The following EBF1 variants were observed in gnomAD, a reference collection of about 807,000 sequenced individuals.
The protein encoded by EBF1 is transcription factor COE1.
In EBF1, 10 loss-of-function variants were observed where a neutral mutation model predicts 68.4. The observed-to-expected ratio is 0.15, with a 90% confidence interval of 0.09 to 0.25. EBF1 has a LOEUF of 0.25. Ranked by LOEUF, EBF1 falls within the 10% of genes least tolerant of loss-of-function variation. The pLI is 1.00. For missense variants in EBF1, 509 were observed against 794.4 expected (o/e 0.64, Z 4.32); for synonymous variants, 298 against 299.8 (o/e 0.99, Z 0.06).
intron 6 of EBF1, among the ~76,000 whole-genome samples, chr5:158,934,819 G>C (rs2127450039): frequency 6.6e-6 from 1 of 152,344 alleles, no homozygotes; most frequent in East Asian, 1.9e-4. Context: ...CTTCCCAGAA[G>C]AAGCAGTAAG....
intron 6 of EBF1, among the ~76,000 whole-genome samples, chr5:159,052,233 C>T (rs903173260): frequency 6.6e-6 from 1 of 151,446 alleles, no homozygotes; most frequent in African/African-American, 2.4e-5. Context: ...TTGTATGCCA[C>T]GTAGGTATAT....
chr5:158,947,743 C>T (rs1383266358), intron 6 of EBF1, among the ~76,000 whole-genome samples: 1 of 152,100 alleles, frequency 6.6e-6, no homozygotes, highest in African/African-American at 2.4e-5. Context: ...CAACAGAAAT[C>T]GTAAAGGAGA....
intron 6 of EBF1, among the ~76,000 whole-genome samples, chr5:158,970,420 C>T (rs1004819332): frequency 2.0e-5 from 3 of 152,088 alleles, no homozygotes; most frequent in Admixed American, 2.0e-4. Context: ...AGTGTTTATG[C>T]CAAATTACAC....
intron 6 of EBF1, among the ~76,000 whole-genome samples, chr5:159,042,869 A>AT (rs998533506): frequency 2.0e-5 from 3 of 151,326 alleles, no homozygotes; most frequent in Non-Finnish European, 4.4e-5. Context: ...GTAAAAAAAA[A>AT]AAAATAAAAA....
chr5:158,891,138 T>C (rs1472711468), intron 6 of EBF1, among the ~76,000 whole-genome samples: 1 of 152,238 alleles, frequency 6.6e-6, no homozygotes, highest in Non-Finnish European at 1.5e-5. Flanking sequence ...TTTGTGTGTG[T>C]TTGTTTGTTT....
intron 10 of EBF1, among the ~76,000 whole-genome samples, chr5:158,756,819 GT>G (rs1359336203): frequency 3.3e-5 from 5 of 152,008 alleles, no homozygotes; most frequent in Admixed American, 3.3e-4. Flanking sequence ...ATGTGCCACG[GT>G]TTGTGTGTGC....
chr5:158,883,222 G>A (rs955785622), intron 6 of EBF1, among the ~76,000 whole-genome samples: 1 of 151,884 alleles, frequency 6.6e-6, no homozygotes, highest in Non-Finnish European at 1.5e-5. Context: ...AAATGTTTGT[G>A]TATATACACA....
At chr5:158,892,468 G>T (rs1473246822) in intron 6 of EBF1, among the ~76,000 whole-genome samples, 1 of 152,028 alleles carries the variant, frequency 6.6e-6, no homozygotes, top group African/African-American at 2.4e-5. Context: ...CATCCTGGAT[G>T]ACGAAACAAA....
intron 15 of EBF1, among the ~76,000 whole-genome samples, chr5:158,699,851 G>A (rs1756352344): frequency 6.6e-6 from 1 of 152,238 alleles, no homozygotes; most frequent in African/African-American, 2.4e-5. Context: ...AAGCTGGAGT[G>A]AGATCCTGGG....
chr5:158,944,397 C>G (rs1442953833), intron 6 of EBF1, among the ~76,000 whole-genome samples: 2 of 152,180 alleles, frequency 1.3e-5, no homozygotes, highest in Non-Finnish European at 1.5e-5. Flanking sequence ...AGGACATGAA[C>G]TCATTCTTTT....
intron 9 of EBF1, among the ~76,000 whole-genome samples, chr5:158,795,252 TG>T (rs1779405272): frequency 6.6e-6 from 1 of 152,108 alleles, no homozygotes; most frequent in Non-Finnish European, 1.5e-5. Flanking sequence ...CAGCTAGAAA[TG>T]GAAATCTTTG....
chr5:158,919,798 C>T (rs972791263), intron 6 of EBF1, among the ~76,000 whole-genome samples: 3 of 152,228 alleles, frequency 2.0e-5, no homozygotes, highest in African/African-American at 4.8e-5. Flanking sequence ...TCAAAAAACA[C>T]GACGGTACAT....
intron 6 of EBF1, among the ~76,000 whole-genome samples, chr5:158,855,576 C>A (rs1793826405): frequency 6.6e-6 from 1 of 152,204 alleles, no homozygotes; most frequent in Non-Finnish European, 1.5e-5. Context: ...TCTGAGATGT[C>A]ATCTCCCCAG....
Position 158,696,052 on chromosome 5 carries a change from A to T in EBF1, c.*3059T>A, listed in dbSNP as rs188500993. On this transcript the variant is annotated 3_prime_UTR_variant, in exon 16 of 16. Coordinates refer to ENST00000313708, the MANE Select transcript of EBF1 (RefSeq NM_024007.5). ...AGGTTCTCTAACAATTGAACTGTAC[A>T]GTGTGTGTCTATTCAAAAAGTTTTG... 9 of 206,054 alleles carry T rather than the reference A, an allele frequency of 4.4e-5. No homozygotes were observed. The East Asian group carries it at 5.2e-4, about 12-fold the overall frequency. The allele number at this position is 206,054 out of a possible 1,614,324, so 12.8% of individuals were successfully genotyped here.
intron 8 of EBF1, among the ~76,000 whole-genome samples, chr5:158,806,376 T>C (rs1045841891): frequency 1.3e-5 from 2 of 152,108 alleles, no homozygotes; most frequent in Non-Finnish European, 2.9e-5. Context: ...GTGTTCACGA[T>C]GGAAATCTCA....
chr5:158,889,429 A>G (rs986494042), intron 6 of EBF1, among the ~76,000 whole-genome samples: 1 of 152,204 alleles, frequency 6.6e-6, no homozygotes, highest in Non-Finnish European at 1.5e-5. Context: ...ATAAATTTGT[A>G]CAAGTCCTAG....
chr5:159,095,776 A>C, intron 3 of EBF1, 101 bp from the exon 4 acceptor site: 1 of 1,252,740 alleles, frequency 8.0e-7, no homozygotes, highest in Non-Finnish European at 1.1e-6. Context: ...CAAAACCCCC[A>C]CACACATATC....
chr5:158,956,028 A>ATGTG lies in EBF1; in HGVS notation c.555-115922_555-115919dup, dbSNP rs56311243. Among the ~76,000 whole-genome samples the ATGTG allele has an allele frequency of 5.2e-3, 727 of 141,134 alleles. 4 individuals are homozygous for ATGTG. Among genetic ancestry groups the ATGTG allele is most frequent in the East Asian group, 0.014 (67 of 4,710 alleles). The allele number at this position is 141,134 out of a possible 152,430, so 92.6% of individuals were successfully genotyped here. A position where few individuals can be genotyped will look rare whatever the true frequency, so the allele number is the denominator to read the frequency against. ...TACTGCATTAATTAAATAAATATAA[A>ATGTG]TGTGTGTGTGTGTGTGTGTGTGTGT... is the stretch of plus-strand genomic sequence containing the variant. On this transcript the variant is annotated intron_variant, in intron 6 of 15. Transcript: ENST00000313708.
At chr5:158,877,746 C>G (rs1389440233) in intron 6 of EBF1, among the ~76,000 whole-genome samples, 1 of 151,756 alleles carries the variant, frequency 6.6e-6, no homozygotes, top group Non-Finnish European at 1.5e-5. Context: ...TTTTGAAAAC[C>G]TTTTTAGACC....
Sources: gnomAD v4.1 joint callset for allele counts (sites outside exome capture counted in the v4.1 genomes callset) on GRCh38, gnomAD v4.1.1 for gene constraint, MANE v1.5 for transcripts, NCBI Gene and HGNC (gene_info 2026-07-23, HGNC 2026-07-21) for gene names.